Variants in RBFOX1 observed in about 807,000 individuals in gnomAD.
RBFOX1 encodes the protein RNA binding fox-1 homolog 1, also known as RNA binding protein fox-1 homolog 1.
In RBFOX1, 8 loss-of-function variants were observed where a neutral mutation model predicts 57.7. That is an observed-to-expected ratio of 0.14 (90% CI 0.08 to 0.25). RBFOX1 has a LOEUF of 0.25. Ranked by LOEUF, RBFOX1 falls within the 10% of genes least tolerant of loss-of-function variation. The probability of loss-of-function intolerance (pLI) is 1.00; values close to 1 mark genes in which losing one functional copy is unlikely to be tolerated. For synonymous variants in RBFOX1, 326 were observed against 222.4 expected (o/e 1.47, Z -4.15); for missense variants, 611 against 548.5 (o/e 1.11, Z -1.14).
intron 1 of RBFOX1, among the ~76,000 whole-genome samples, chr16:5,447,150 T>C (rs1420995682): frequency 3.3e-5 from 5 of 152,078 alleles, no homozygotes; most frequent in Non-Finnish European, 7.4e-5. Context: ...TCTTTTCACT[T>C]CGCAGCCACC....
In RBFOX1 at chr16:5,259,841, T is replaced by C. The variant is rs371146400; in HGVS notation, c.219+19736T>C. ...TTGATTGAACTCAAGTTTTCACTCC[T>C]GTTTAACACCACGTGGGGGCCATTC... On this transcript the variant is annotated intron_variant, in intron 1 of 2. Coordinates refer to the RBFOX1 transcript ENST00000585867. Among the ~76,000 whole-genome samples, 978 of 152,284 alleles carry C rather than the reference T, an allele frequency of 6.4e-3. 9 individuals are homozygous for C. The highest frequency in any genetic ancestry group is 0.01 in the Middle Eastern group (3 of 294).
chr16:5,601,934 G>C (rs2047378818), downstream of RBFOX1, among the ~76,000 whole-genome samples: 1 of 152,200 alleles, frequency 6.6e-6, no homozygotes. Context: ...CTCACTCATG[G>C]AGGCTGATGT....
At chr16:6,818,575 T>C (rs1442935348) in intron 3 of RBFOX1, among the ~76,000 whole-genome samples, 1 of 152,230 alleles carries the variant, frequency 6.6e-6, no homozygotes, top group Non-Finnish European at 1.5e-5. Flanking sequence ...CTTCTAAAGT[T>C]GCTATGGCAC....
At chr16:5,655,001 A>C (rs145632651) in intron 3 of RBFOX1, among the ~76,000 whole-genome samples, 1 of 152,296 alleles carries the variant, frequency 6.6e-6, no homozygotes, top group African/African-American at 2.4e-5. Context: ...ATTGCCTTGC[A>C]CACTGGGTCC....
At chr16:5,890,633 A>ATTGCAGTGAT (rs1272714690) in intron 4 of RBFOX1, among the ~76,000 whole-genome samples, 3 of 139,554 alleles carry the variant, frequency 2.1e-5, no homozygotes, top group East Asian at 2.5e-4. Flanking sequence ...GGAGGTGGAG[A>ATTGCAGTGAT]TTGCAGTGAG....
rs551855044 is a variant in RBFOX1 at position 6,871,537 on chromosome 16, C to G, written c.-15-180520C>G. 2.6e-5 allele frequency among the ~76,000 whole-genome samples: 4 copies of G among 152,196 alleles called. No individual in the cohort carries two copies. The South Asian group carries it at 6.2e-4, about 24-fold the overall frequency. ...TCCCTTATCCCTCATGCCCAGAGAT[C>G]AACTCCAGTGGTTTATCCCCTCTTA... On this transcript the variant is annotated intron_variant, in intron 3 of 15. Transcript: ENST00000550418.
At chr16:6,222,182 A>T (rs1318902039) in intron 1 of RBFOX1, among the ~76,000 whole-genome samples, 1 of 152,138 alleles carries the variant, frequency 6.6e-6, no homozygotes, top group African/African-American at 2.4e-5. Flanking sequence ...CTAGAGAGAT[A>T]TTTCTTTTAT....
At chr16:5,852,508 A>G (rs572334183) in intron 3 of RBFOX1, among the ~76,000 whole-genome samples, 98 of 152,326 alleles carry the variant, frequency 6.4e-4, no homozygotes, top group Middle Eastern at 6.8e-3. Flanking sequence ...CCAGCCATGG[A>G]CTGCAGGCTG....
chr16:6,120,718 G>C (rs2096542733), intron 1 of RBFOX1, among the ~76,000 whole-genome samples: 1 of 151,996 alleles, frequency 6.6e-6, no homozygotes, highest in Non-Finnish European at 1.5e-5. Context: ...TCTTGCTTGT[G>C]GCTCTGAATT....
chr16:5,376,011 T>A (rs1050932588), intron 1 of RBFOX1, among the ~76,000 whole-genome samples: 1 of 151,654 alleles, frequency 6.6e-6, no homozygotes, highest in African/African-American at 2.4e-5. Flanking sequence ...TACTAAAAAA[T>A]ACAAAAATTA....
At chr16:6,763,469 A>C (rs781409686) in intron 3 of RBFOX1, among the ~76,000 whole-genome samples, 5 of 152,188 alleles carry the variant, frequency 3.3e-5, no homozygotes, top group Admixed American at 6.5e-5. Flanking sequence ...GATATTTCAC[A>C]AGCGTAATGG....
intron 4 of RBFOX1, among the ~76,000 whole-genome samples, chr16:7,053,469 G>T (rs1238887751): frequency 6.6e-6 from 1 of 152,142 alleles, no homozygotes; most frequent in African/African-American, 2.4e-5. Context: ...CTTGCTGTTT[G>T]GATGGGGACG....
intron 1 of RBFOX1, among the ~76,000 whole-genome samples, chr16:6,269,776 ATTT>A (rs1478632906): frequency 6.6e-6 from 1 of 152,222 alleles, no homozygotes; most frequent in African/African-American, 2.4e-5. Context: ...AAAAGCAGGA[ATTT>A]TAGAACATCA....
rs147412057 is a variant in RBFOX1, at chr16:6,715,703, A to G, written c.-16+61053A>G. Among the ~76,000 whole-genome samples, 238 of 152,310 alleles carry G rather than the reference A, an allele frequency of 1.6e-3. 2 individuals carry two copies. The highest frequency in any genetic ancestry group is 5.4e-3 in the African/African-American group (225 of 41,574). On this transcript the variant is annotated intron_variant, in intron 3 of 15. Coordinates refer to ENST00000550418, the MANE Select transcript of RBFOX1 (RefSeq NM_018723.4). ...ATGAAGCAGCCCACCTGGCCCAGAA[A>G]TGCCTGGTTTGTTGTTTATGGGTGG...
At chr16:6,527,760 T>C (rs1185451226) in intron 2 of RBFOX1, among the ~76,000 whole-genome samples, 1 of 152,076 alleles carries the variant, frequency 6.6e-6, no homozygotes, top group Admixed American at 6.6e-5. Flanking sequence ...GTCTCTCACC[T>C]TGTGGGCGAG....
intron 3 of RBFOX1, among the ~76,000 whole-genome samples, chr16:6,844,124 G>A (rs1192515782): frequency 1.4e-5 from 1 of 69,022 alleles, no homozygotes; most frequent in East Asian, 6.6e-4. Flanking sequence ...TCCCTGCATG[G>A]CTTTTCTCTC....
chr16:5,324,462 C>G (rs779538037), intron 1 of RBFOX1, among the ~76,000 whole-genome samples: 4 of 152,072 alleles, frequency 2.6e-5, no homozygotes, highest in Non-Finnish European at 5.9e-5. Context: ...AACTCTGTCT[C>G]AAAATAAAAT....
chr16:6,344,411 T>TTTTTTTTTTTC (rs2085038381), intron 2 of RBFOX1, among the ~76,000 whole-genome samples: 1 of 137,836 alleles, frequency 7.3e-6, no homozygotes, highest in African/African-American at 3.0e-5. Context: ...TTTTTTCTTT[T>TTTTTTTTTTTC]TTTTTTTTGA....
At chr16:6,849,674 A>T (rs1022365548) in intron 3 of RBFOX1, among the ~76,000 whole-genome samples, 1 of 151,930 alleles carries the variant, frequency 6.6e-6, no homozygotes. Flanking sequence ...ATCTCAAAAA[A>T]ACAAAACAAA....
Sources: allele counts gnomAD v4.1 joint callset (sites outside exome capture counted in the v4.1 genomes callset), GRCh38; gene constraint gnomAD v4.1.1; transcripts MANE v1.5; gene names NCBI Gene and HGNC (gene_info 2026-07-23, HGNC 2026-07-21).